The following FBXO42 variants were observed in gnomAD, a reference collection of about 807,000 sequenced individuals.
FBXO42 encodes F-box protein 42.
Under a neutral mutation model 71.7 loss-of-function variants are expected in FBXO42, and 12 were observed. That is an observed-to-expected ratio of 0.17 (90% CI 0.11 to 0.27). The LOEUF is 0.27. Among genes scored for constraint, FBXO42 ranks in the 10% least tolerant of loss-of-function variants. The probability of loss-of-function intolerance (pLI) is 1.00; values close to 1 mark genes in which losing one functional copy is unlikely to be tolerated. For synonymous variants in FBXO42, 325 were observed against 327.5 expected, an observed-to-expected ratio of 0.99 and a Z score of 0.08; for missense variants, 707 against 911.9, an observed-to-expected ratio of 0.78 and a Z score of 2.89.
intron 4 of FBXO42, among the ~76,000 whole-genome samples, chr1:16,257,388 G>T (rs1040930675): frequency 6.6e-6 from 1 of 152,118 alleles, no homozygotes; most frequent in Non-Finnish European, 1.5e-5. Context: ...AAATGGGGCA[G>T]ACCTTCAAGG....
chr1:16,295,829 A>G (rs1263183164), intron 3 of FBXO42, among the ~76,000 whole-genome samples: 2 of 152,240 alleles, frequency 1.3e-5, no homozygotes, highest in African/African-American at 4.8e-5. Flanking sequence ...ACTCAATAGT[A>G]GTATGGTCTT....
intron 4 of FBXO42, among the ~76,000 whole-genome samples, chr1:16,257,877 C>T (rs1222740388): frequency 2.0e-5 from 3 of 152,214 alleles, no homozygotes; most frequent in Non-Finnish European, 4.4e-5. Context: ...GATGGGGTTT[C>T]ACCATGTTGG....
chr1:16,285,805 C>T lies in FBXO42; in HGVS notation c.502+8978G>A, dbSNP rs540575472. 3.3e-5 allele frequency among the ~76,000 whole-genome samples: 5 copies of T among 152,274 alleles called. No homozygotes were observed. In the East Asian group the frequency reaches 7.7e-4, roughly 23 times the overall value. On this transcript the variant is annotated intron_variant, in intron 4 of 9. Coordinates refer to ENST00000375592, the MANE Select transcript of FBXO42 (RefSeq NM_018994.3). ...TCCTTCCTTACTGGGTGCTCCTTTTCGAGTCCCCTGATTTCCAAATGCTGG... is the reference window on the plus strand; with the variant it reads ...TCCTTCCTTACTGGGTGCTCCTTTTTGAGTCCCCTGATTTCCAAATGCTGG...
At chr1:16,345,847 C>CAAA (rs34529034) in intron 1 of FBXO42, among the ~76,000 whole-genome samples, 1 of 117,380 alleles carries the variant, frequency 8.5e-6, no homozygotes, top group African/African-American at 3.4e-5. Flanking sequence ...GACTCCGTCT[C>CAAA]AAAAAAAAAA....
At chr1:16,339,557 C>T (rs377495136) in intron 1 of FBXO42, among the ~76,000 whole-genome samples, 13 of 151,992 alleles carry the variant, frequency 8.6e-5, no homozygotes, top group African/African-American at 3.1e-4. Flanking sequence ...ATGATCAGCC[C>T]GCCTCAGCCA....
chr1:16,304,708 C>G (rs1024809525), intron 3 of FBXO42, among the ~76,000 whole-genome samples: 16 of 152,150 alleles, frequency 1.1e-4, no homozygotes, highest in Non-Finnish European at 8.8e-5. Context: ...GTGGCTCACA[C>G]CTGTAATCCC....
In FBXO42 at chr1:16,326,014, TTGTGTGTG is replaced by T. The variant is rs34752325; in HGVS notation, c.-17-10587_-17-10580del. Among the ~76,000 whole-genome samples the T allele has an allele frequency of 5.0e-3, 687 of 137,522 alleles. 8 individuals are homozygous for T. The highest frequency in any genetic ancestry group is 0.015 in the South Asian group (63 of 4,226). 90.2% of individuals were successfully genotyped at this position (137,522 alleles called of 152,430 possible). A position where few individuals can be genotyped will look rare whatever the true frequency, so the allele number is the denominator to read the frequency against. On this transcript the variant is annotated intron_variant, in intron 1 of 9. Transcript: ENST00000375592. Reference sequence around the variant, plus strand: ...TAAAATGGAACTTCAGTGCCCAAATTTGTGTGTGTGTGTGTGTGTGTGTGTGTGTGTGT... The same window carrying T: ...TAAAATGGAACTTCAGTGCCCAAATTTGTGTGTGTGTGTGTGTGTGTGTGT...
chr1:16,326,792 C>T (rs1319022541), intron 1 of FBXO42, among the ~76,000 whole-genome samples: 1 of 152,120 alleles, frequency 6.6e-6, no homozygotes, highest in East Asian at 1.9e-4. Context: ...ATCAACTACA[C>T]CTTTCATTAC....
intron 1 of FBXO42, among the ~76,000 whole-genome samples, chr1:16,326,034 G>GTC (rs904738489): frequency 6.6e-6 from 1 of 150,384 alleles, no homozygotes; most frequent in Non-Finnish European, 1.5e-5. Context: ...GTGTGTGTGT[G>GTC]TGTGTGTGTG....
chr1:16,272,408 C>T (rs370516883), intron 4 of FBXO42, among the ~76,000 whole-genome samples: 15 of 151,962 alleles, frequency 9.9e-5, no homozygotes, highest in African/African-American at 3.6e-4. Flanking sequence ...TACAGGCATG[C>T]ACCACCACGC....
intron 2 of FBXO42, among the ~76,000 whole-genome samples, chr1:16,306,380 C>T (rs1024228077): frequency 2.0e-5 from 3 of 152,132 alleles, no homozygotes; most frequent in Non-Finnish European, 4.4e-5. Context: ...AAAGGAAATA[C>T]AATTTTAAAA....
At chr1:16,260,594 G>T (rs2081700671) in intron 4 of FBXO42, among the ~76,000 whole-genome samples, 1 of 152,160 alleles carries the variant, frequency 6.6e-6, no homozygotes, top group African/African-American at 2.4e-5. Flanking sequence ...CTATTTTACA[G>T]ATAAGAAACC....
At chr1:16,284,376 G>A (rs2081999367) in intron 4 of FBXO42, among the ~76,000 whole-genome samples, 1 of 152,120 alleles carries the variant, frequency 6.6e-6, no homozygotes, top group Non-Finnish European at 1.5e-5. Flanking sequence ...TGTTCATACA[G>A]ATACACAATG....
intron 1 of FBXO42, among the ~76,000 whole-genome samples, chr1:16,337,742 G>A (rs1245291224): frequency 6.6e-6 from 1 of 151,534 alleles, no homozygotes; most frequent in Non-Finnish European, 1.5e-5. Context: ...AAATTAGCTG[G>A]GCACGGCGAC....
chr1:16,285,865 TTTTG>T (rs1048067423), intron 4 of FBXO42, among the ~76,000 whole-genome samples: 11 of 151,982 alleles, frequency 7.2e-5, no homozygotes, highest in African/African-American at 2.7e-4. Context: ...CCATTCTCTT[TTTTG>T]TTTTTGTTGT....
chr1:16,315,063 T>C (rs1359282234), intron 2 of FBXO42, 106 bp downstream of exon 2: 2 of 1,276,112 alleles, frequency 1.6e-6, no homozygotes, highest in Non-Finnish European at 2.1e-6. Flanking sequence ...TGCTAGATTT[T>C]ATAACCATAA....
At chr1:16,312,906 T>C (rs1380261563) in intron 2 of FBXO42, among the ~76,000 whole-genome samples, 1 of 151,954 alleles carries the variant, frequency 6.6e-6, no homozygotes, top group African/African-American at 2.4e-5. Context: ...ACGTTTCTCC[T>C]GCCTCAGCCT....
chr1:16,341,797 C>G (rs2082607320), intron 1 of FBXO42, among the ~76,000 whole-genome samples: 1 of 149,966 alleles, frequency 6.7e-6, no homozygotes, highest in African/African-American at 2.5e-5. Flanking sequence ...ATGGAGAAAA[C>G]CCCGTCTCTA....
At position 16,341,340 on chromosome 1, in the gene FBXO42, G is replaced by GCCTGTAAT. The variant is rs1344474518; in HGVS notation, c.-18+10907_-18+10914dup. ...TAGTAGGCTGGAAGCCGTGGCTCAT[G>GCCTGTAAT]CCTGTAATCCCAACACTTTGGGAGG... On this transcript the variant is annotated intron_variant, in intron 1 of 9. Transcript: ENST00000375592. Among the ~76,000 whole-genome samples the GCCTGTAAT allele has an allele frequency of 2.0e-4, 31 of 152,212 alleles. 1 individual carries two copies. The highest frequency in any genetic ancestry group is 1.0e-3 in the Admixed American group (16 of 15,270).
Sources: gnomAD v4.1 joint callset for allele counts (sites outside exome capture counted in the v4.1 genomes callset) on GRCh38, gnomAD v4.1.1 for gene constraint, MANE v1.5 for transcripts, NCBI Gene and HGNC (gene_info 2026-07-23, HGNC 2026-07-21) for gene names.